Variants in MRAP2 observed in about 807,000 individuals in gnomAD.
MRAP2 encodes the protein melanocortin-2 receptor accessory protein 2.
A neutral mutation model predicts 17.4 loss-of-function variants in MRAP2; 20 were observed. That is an observed-to-expected ratio of 1.15 (90% CI 0.81 to 1.67). MRAP2 has a LOEUF of 1.67. Ranked by LOEUF, MRAP2 falls within the 40% of genes most tolerant of loss-of-function variation. The pLI is 0.00. For synonymous variants in MRAP2, 96 were observed against 88.4 expected (o/e 1.09, Z -0.48); for missense variants, 238 against 240.0 (o/e 0.99, Z 0.05).
intron 3 of MRAP2, among the ~76,000 whole-genome samples, chr6:84,067,371 ACTT>A (rs1293987327): frequency 6.6e-6 from 1 of 152,106 alleles, no homozygotes; most frequent in East Asian, 1.9e-4. Context: ...TTGTATAATG[ACTT>A]CTTTTCTTCT....
the MRAP2 span, among the ~76,000 whole-genome samples, chr6:84,099,425 A>G: frequency 6.6e-6 from 1 of 152,064 alleles, no homozygotes; most frequent in South Asian, 2.1e-4. Flanking sequence ...CAGTAGTAAT[A>G]TAGTCTGGAT....
chr6:84,118,486 A>G, the MRAP2 span, among the ~76,000 whole-genome samples: 2 of 152,202 alleles, frequency 1.3e-5, no homozygotes, highest in African/African-American at 2.4e-5. Context: ...CGCCCCATGA[A>G]GAGGAACAGA....
Position 84,055,436 on chromosome 6 carries a change from G to T in MRAP2, c.118G>T (p.Ala40Ser), listed in dbSNP as rs778338243. ...ACCAGTTTCCTTTGAAGGACTGAAG[G>T]CTCATAAATGTAAGTTTTATACAAT... ...IGPVSFEGLK[A>S]HKYSIVIGFW... The change falls in exon 2 of 4, where the codon GCT becomes TCT. Residue 40 changes from alanine (A) to serine (S), a missense_variant. Transcript: ENST00000257776. 6 of 1,611,530 alleles carry T rather than the reference G, an allele frequency of 3.7e-6. No individual in the cohort carries two copies. Among genetic ancestry groups the T allele is most frequent in the Non-Finnish European group, 2.5e-6 (3 of 1,179,236 alleles).
At chr6:84,044,132 G>A (rs541964239) in intron 1 of MRAP2, among the ~76,000 whole-genome samples, 39 of 152,136 alleles carry the variant, frequency 2.6e-4, no homozygotes, top group Non-Finnish European at 4.6e-4. Flanking sequence ...GAATTTCCTC[G>A]GGCTGCCATA....
At chr6:84,100,391 GT>G in the MRAP2 span, among the ~76,000 whole-genome samples, 3 of 151,922 alleles carry the variant, frequency 2.0e-5, no homozygotes, top group Non-Finnish European at 2.9e-5. Context: ...AGCCTCCTGG[GT>G]TGCTGAGACT....
At chr6:84,065,023 G>A (rs1296381168) in intron 3 of MRAP2, among the ~76,000 whole-genome samples, 1 of 152,202 alleles carries the variant, frequency 6.6e-6, no homozygotes, top group African/African-American at 2.4e-5. Context: ...GGTGGCTCAT[G>A]CCCGTAATCC....
At chr6:84,088,444 C>T (rs1228771469) in intron 3 of MRAP2, among the ~76,000 whole-genome samples, 2 of 152,102 alleles carry the variant, frequency 1.3e-5, no homozygotes, top group Non-Finnish European at 2.9e-5. Context: ...CCACTCATAC[C>T]ACAAACTGAT....
the MRAP2 span, among the ~76,000 whole-genome samples, chr6:84,135,120 A>G: frequency 6.6e-6 from 1 of 150,790 alleles, no homozygotes; most frequent in Admixed American, 6.6e-5. Flanking sequence ...GCAAAATATA[A>G]CTAGGTAGTG....
chr6:84,136,905 C>T, the MRAP2 span, among the ~76,000 whole-genome samples: 6 of 152,186 alleles, frequency 3.9e-5, no homozygotes, highest in African/African-American at 1.2e-4. Context: ...ATCGGCCACA[C>T]ACCAGGCACC....
Position 84,067,717 on chromosome 6 carries a change from T to G in MRAP2, c.227+4725T>G, listed in dbSNP as rs180853397. 5.9e-3 allele frequency among the ~76,000 whole-genome samples: 881 copies of G among 150,104 alleles called. 5 individuals are homozygous for G. The highest frequency in any genetic ancestry group is 0.021 in the African/African-American group (849 of 39,944). On this transcript the variant is annotated intron_variant, in intron 3 of 3. Transcript: ENST00000257776. Reference sequence around the variant, plus strand: ...TGTCTATTCATGTTTTTAGCCCACTTTTGGATGGAATTGTTTTTTTTTTTT... The same window carrying G: ...TGTCTATTCATGTTTTTAGCCCACTGTTGGATGGAATTGTTTTTTTTTTTT...
At chr6:84,049,191 G>T (rs1423965474) in intron 1 of MRAP2, among the ~76,000 whole-genome samples, 1 of 152,178 alleles carries the variant, frequency 6.6e-6, no homozygotes, top group East Asian at 1.9e-4. Context: ...TTGGGAGGCA[G>T]AGGCAGTCGG....
At chr6:84,115,594 C>T in the MRAP2 span, among the ~76,000 whole-genome samples, 692 of 152,168 alleles carry the variant, frequency 4.5e-3, 8 homozygotes, top group African/African-American at 0.016. Flanking sequence ...GGATCTGTCT[C>T]GCTGGTGTTC....
At chr6:84,124,547 T>C in the MRAP2 span, 26 of 161,274 alleles carry the variant, frequency 1.6e-4, no homozygotes, top group African/African-American at 1.7e-4. Flanking sequence ...GACATAAAGA[T>C]GGAGATAACA....
intron 1 of MRAP2, among the ~76,000 whole-genome samples, chr6:84,047,341 C>T (rs1484272906): frequency 6.6e-6 from 1 of 151,840 alleles, no homozygotes; most frequent in Non-Finnish European, 1.5e-5. Context: ...CAGGCATGCA[C>T]CACCATGCCC....
At chr6:84,033,720 T>C, upstream of MRAP2, 1 of 985,096 alleles carries the variant, frequency 1.0e-6, no homozygotes, top group Non-Finnish European at 1.2e-6. Flanking sequence ...CCGCGCCGCC[T>C]CCGCTGCGGG....
At position 84,049,250 on chromosome 6, in the gene MRAP2, C is replaced by T. The variant is rs983179585; in HGVS notation, c.-7-6062C>T. ...GACCAACCTTGCCAGTGTGGTGAAA[C>T]CCCTTCTCTACTAAAAGCACAAAAC... is the stretch of plus-strand genomic sequence containing the variant. On this transcript the variant is annotated intron_variant, in intron 1 of 3. Transcript: ENST00000257776. 2.6e-5 allele frequency among the ~76,000 whole-genome samples: 4 copies of T among 152,164 alleles called. No homozygotes were observed. The South Asian group carries it at 8.3e-4, about 32-fold the overall frequency.
rs1041332681 is a variant in MRAP2 at position 84,045,380 on chromosome 6, C to T, written c.-7-9932C>T. On this transcript the variant is annotated intron_variant, in intron 1 of 3. Transcript: ENST00000257776. ...GCCCTGGAGTAGGCAAGCCTGCCCC[C>T]AAGACCTCTGTGCTCTGGAGCCACC... 15 of 985,284 alleles carry T rather than the reference C, an allele frequency of 1.5e-5. No homozygotes were observed. In the African/African-American group the frequency reaches 1.6e-4, roughly 10 times the overall value. The allele number at this position is 985,284 out of a possible 1,614,324, so 61.0% of individuals were successfully genotyped here.
chr6:84,076,707 TCAGGTGCCCA>T (rs544328236), intron 3 of MRAP2, among the ~76,000 whole-genome samples: 18 of 152,284 alleles, frequency 1.2e-4, no homozygotes, highest in African/African-American at 4.3e-4. Context: ...GCTGGAAATA[TCAGGTGCCCA>T]CAGGCTGATC....
At chr6:84,080,686 G>A (rs941158928) in intron 3 of MRAP2, among the ~76,000 whole-genome samples, 11 of 152,196 alleles carry the variant, frequency 7.2e-5, no homozygotes, top group Non-Finnish European at 5.9e-5. Context: ...TGCTGGTCCA[G>A]CATTATTCTG....
Sources: gnomAD v4.1 joint callset for allele counts (sites outside exome capture counted in the v4.1 genomes callset) on GRCh38, gnomAD v4.1.1 for gene constraint, MANE v1.5 for transcripts, NCBI Gene and HGNC (gene_info 2026-07-23, HGNC 2026-07-21) for gene names.